IQCM: variants seen among roughly 807,000 people sequenced by gnomAD.
IQCM encodes the protein IQ motif containing M.
A neutral mutation model predicts 57.6 loss-of-function variants in IQCM; 45 were observed. The ratio of observed to expected loss-of-function variants is 0.78; its 90% confidence interval spans 0.62 to 1.00. The LOEUF is 1.00. Ranked by LOEUF, IQCM falls within the 50% of genes least tolerant of loss-of-function variation. IQCM has a pLI of 0.00. For synonymous variants in IQCM, 148 were observed against 158.9 expected (o/e 0.93, Z 0.51); for missense variants, 468 against 511.6 (o/e 0.91, Z 0.82).
At chr4:149,403,918 A>T (rs145914265) in intron 13 of IQCM, among the ~76,000 whole-genome samples, 2 of 152,156 alleles carry the variant, frequency 1.3e-5, no homozygotes, top group East Asian at 3.9e-4. Context: ...TTAAAGAGTG[A>T]ATTAGTTAGG....
intron 5 of IQCM, among the ~76,000 whole-genome samples, chr4:149,708,580 A>G (rs1764331890): frequency 6.6e-6 from 1 of 152,016 alleles, no homozygotes; most frequent in African/African-American, 2.4e-5. Flanking sequence ...CACTAACAGA[A>G]AGGCTTTAAA....
chr4:149,755,104 G>A (rs558398861), intron 2 of IQCM, among the ~76,000 whole-genome samples: 12 of 152,194 alleles, frequency 7.9e-5, no homozygotes, highest in South Asian at 2.1e-4. Flanking sequence ...TGATAGCTTC[G>A]CAACACCTTT....
At chr4:149,361,796 GC>G (rs1729510310) in intron 13 of IQCM, among the ~76,000 whole-genome samples, 2 of 152,200 alleles carry the variant, frequency 1.3e-5, no homozygotes, top group South Asian at 4.1e-4. Context: ...TGGGGTTAGA[GC>G]CCCCACACAG....
At chr4:149,717,946 A>C (rs1386659433) in intron 5 of IQCM, among the ~76,000 whole-genome samples, 1 of 152,210 alleles carries the variant, frequency 6.6e-6, no homozygotes, top group African/African-American at 2.4e-5. Flanking sequence ...GGTGCCTACA[A>C]GTAGTTAGTA....
At chr4:149,697,639 G>A (rs577957316) in intron 5 of IQCM, among the ~76,000 whole-genome samples, 1 of 152,094 alleles carries the variant, frequency 6.6e-6, no homozygotes, top group South Asian at 2.1e-4. Flanking sequence ...CCTAAGACAG[G>A]CATTCATGGC....
intron 12 of IQCM, among the ~76,000 whole-genome samples, chr4:149,439,450 AAT>A (rs1389388623): frequency 6.6e-6 from 1 of 152,066 alleles, no homozygotes; most frequent in African/African-American, 2.4e-5. Flanking sequence ...ACTATATATA[AAT>A]AAATTTTATA....
At chr4:149,407,933 T>C (rs1733099840) in intron 13 of IQCM, among the ~76,000 whole-genome samples, 1 of 152,174 alleles carries the variant, frequency 6.6e-6, no homozygotes, top group Admixed American at 6.6e-5. Context: ...CCATACAGTT[T>C]TGTTGTACTA....
At chr4:149,510,873 C>T (rs1744335071) in intron 12 of IQCM, among the ~76,000 whole-genome samples, 1 of 152,160 alleles carries the variant, frequency 6.6e-6, no homozygotes, top group African/African-American at 2.4e-5. Flanking sequence ...ATGGTAGTAA[C>T]CTTGATCATT....
intron 7 of IQCM, among the ~76,000 whole-genome samples, chr4:149,667,148 T>C (rs1760804747): frequency 6.6e-6 from 1 of 152,050 alleles, no homozygotes. Flanking sequence ...CACCTCCCAG[T>C]AGGGGTCAAC....
intron 12 of IQCM, among the ~76,000 whole-genome samples, chr4:149,532,466 G>A (rs1746845729): frequency 6.6e-6 from 1 of 150,628 alleles, no homozygotes; most frequent in South Asian, 2.1e-4. Flanking sequence ...AAAGAGTTTT[G>A]GAAAGTTCTG....
At chr4:149,650,869 A>G (rs115269999) in intron 7 of IQCM, among the ~76,000 whole-genome samples, 201 of 152,296 alleles carry the variant, frequency 1.3e-3, no homozygotes, top group African/African-American at 4.5e-3. Context: ...TAATTGTTTC[A>G]AGGAAGCTTG....
chr4:149,705,202 A>C (rs1764065702), intron 5 of IQCM, among the ~76,000 whole-genome samples: 1 of 146,890 alleles, frequency 6.8e-6, no homozygotes, highest in Non-Finnish European at 1.5e-5. Context: ...TATATATTAT[A>C]AATATATAAA....
intron 12 of IQCM, among the ~76,000 whole-genome samples, chr4:149,494,032 GTCTTT>G (rs1418807719): frequency 6.6e-6 from 1 of 151,460 alleles, no homozygotes; most frequent in Non-Finnish European, 1.5e-5. Context: ...CAAGATACAA[GTCTTT>G]TCTTTTTTTT....
At chr4:149,622,349 A>T (rs2256532) in intron 7 of IQCM, among the ~76,000 whole-genome samples, 90,592 of 146,226 alleles carry the variant, frequency 0.62, 30,386 homozygotes, top group African/African-American at 0.9. Context: ...ATTCTTTTTT[A>T]TTTTTTTTTT....
chr4:149,780,308 C>T (rs988651551), intron 2 of IQCM: 4 of 151,986 alleles, frequency 2.6e-5, no homozygotes, highest in African/African-American at 7.2e-5. Flanking sequence ...TTTGTTGACA[C>T]GTCTTGATGG....
At chr4:149,742,787 T>G in intron 2 of IQCM, 48 bp from the exon 3 acceptor site, 1 of 887,792 alleles carries the variant, frequency 1.1e-6, no homozygotes, top group Non-Finnish European at 1.5e-6. Context: ...AATATTTATT[T>G]TTAGCTATTT....
At chr4:149,417,448 T>C (rs969169024) in intron 13 of IQCM, among the ~76,000 whole-genome samples, 3 of 152,170 alleles carry the variant, frequency 2.0e-5, no homozygotes, top group Non-Finnish European at 4.4e-5. Flanking sequence ...TTGGTTGTTC[T>C]GGCATACTTT....
In IQCM at chr4:149,727,894, C is replaced by G. The variant is rs1328641897; in HGVS notation, c.385+5350G>C. ...GTGTGCTGCAGCAAGCTCAGACCTG[C>G]TCAGGAGAGCTGACTGTGTACATCT... is the stretch of plus-strand genomic sequence containing the variant. On this transcript the variant is annotated intron_variant, in intron 5 of 13. Transcript: ENST00000636793. 2.0e-5 allele frequency among the ~76,000 whole-genome samples: 3 copies of G among 152,326 alleles called. No individual in the cohort carries two copies. The East Asian group carries it at 5.8e-4, about 29-fold the overall frequency.
intron 12 of IQCM, among the ~76,000 whole-genome samples, chr4:149,500,828 C>T (rs1743164206): frequency 1.3e-5 from 2 of 152,160 alleles, no homozygotes; most frequent in Non-Finnish European, 2.9e-5. Flanking sequence ...AGCCCAGACA[C>T]ACAAAGACAA....
Sources: allele counts gnomAD v4.1 joint callset (sites outside exome capture counted in the v4.1 genomes callset), GRCh38; gene constraint gnomAD v4.1.1; transcripts MANE v1.5; gene names NCBI Gene and HGNC (gene_info 2026-07-23, HGNC 2026-07-21).